PDHX: variants seen among roughly 807,000 people sequenced by gnomAD.
The protein encoded by PDHX is pyruvate dehydrogenase protein X component, mitochondrial.
Under a neutral mutation model 55.3 loss-of-function variants are expected in PDHX, and 33 were observed. The observed-to-expected ratio is 0.60, with a 90% CI of 0.45 to 0.80. PDHX has a LOEUF of 0.80. Among genes scored for constraint, PDHX ranks in the 30% least tolerant of loss-of-function variants. The probability of loss-of-function intolerance (pLI) is 0.00; values close to 1 mark genes in which losing one functional copy is unlikely to be tolerated. For synonymous variants in PDHX, 226 were observed against 219.4 expected (o/e 1.03, Z -0.27); for missense variants, 622 against 619.9 (o/e 1.00, Z -0.04).
At chr11:34,979,227 G>A (rs1855450978) in intron 8 of PDHX, among the ~76,000 whole-genome samples, 1 of 152,180 alleles carries the variant, frequency 6.6e-6, no homozygotes. Context: ...ATAGCTTTGG[G>A]TTAAGGAATC....
chr11:34,949,896 T>C (rs1306587869), intron 3 of PDHX, among the ~76,000 whole-genome samples: 3 of 152,312 alleles, frequency 2.0e-5, no homozygotes, highest in African/African-American at 7.2e-5. Flanking sequence ...TCAAAACAAT[T>C]TTCAAAAGTA....
chr11:34,971,257 G>A (rs1004566173), intron 7 of PDHX, among the ~76,000 whole-genome samples: 1 of 152,042 alleles, frequency 6.6e-6, no homozygotes, highest in Admixed American at 6.5e-5. Context: ...AGCATGAACT[G>A]ATAGTTTTAT....
chr11:34,924,537 A>G (rs1853971785), intron 1 of PDHX, among the ~76,000 whole-genome samples: 1 of 152,166 alleles, frequency 6.6e-6, no homozygotes, highest in Non-Finnish European at 1.5e-5. Context: ...ATTTCTTTAC[A>G]AAAATCTATT....
chr11:34,984,428 C>A, intron 8 of PDHX, 142 bp from the exon 9 acceptor site: 1 of 674,738 alleles, frequency 1.5e-6, no homozygotes, highest in Non-Finnish European at 2.5e-6. Context: ...GAACTCCATA[C>A]CATTTTTTCA....
chr11:34,986,402 T>C (rs1484759701), intron 9 of PDHX, among the ~76,000 whole-genome samples: 1 of 152,084 alleles, frequency 6.6e-6, no homozygotes, highest in Non-Finnish European at 1.5e-5. Context: ...GTATGTTCCT[T>C]GTGTTTATCA....
Position 34,995,236 on chromosome 11 carries a change from T to G in PDHX, c.*64T>G. 6.4e-7 allele frequency: 1 copy of G among 1,558,740 alleles called. No homozygotes were observed. Among genetic ancestry groups the G allele is most frequent in the Non-Finnish European group, 8.8e-7 (1 of 1,131,916 alleles). On this transcript the variant is annotated 3_prime_UTR_variant, in exon 11 of 11. Transcript: ENST00000227868. ...TCAGTAGTTGTTACCAAGAAACATATGTTATAGGAAAACAACTTGGTATTT... is the reference window on the plus strand; with the variant it reads ...TCAGTAGTTGTTACCAAGAAACATAGGTTATAGGAAAACAACTTGGTATTT...
chr11:34,924,483 A>G (rs949265481), intron 1 of PDHX, among the ~76,000 whole-genome samples: 5 of 152,138 alleles, frequency 3.3e-5, no homozygotes, highest in African/African-American at 1.2e-4. Context: ...AGCCTCCCAA[A>G]GTGCTGGGAT....
chr11:34,932,967 A>G (rs1854214423), intron 2 of PDHX, among the ~76,000 whole-genome samples: 1 of 152,240 alleles, frequency 6.6e-6, no homozygotes, highest in African/African-American at 2.4e-5. Context: ...GGTACAGACA[A>G]GTGAGTATAG....
chr11:34,943,681 G>C (rs552575132), intron 2 of PDHX, among the ~76,000 whole-genome samples: 496 of 152,140 alleles, frequency 3.3e-3, no homozygotes, highest in African/African-American at 0.011. Flanking sequence ...CTAATCTCTC[G>C]TCACTTCTCT....
At chr11:34,916,132 A>G, upstream of PDHX, 1 of 1,492,034 alleles carries the variant, frequency 6.7e-7, no homozygotes, top group Non-Finnish European at 9.0e-7. Flanking sequence ...CCGCAGCTAA[A>G]CGCCCGGCCC....
At chr11:34,982,148 G>A (rs1855528740) in intron 8 of PDHX, among the ~76,000 whole-genome samples, 1 of 152,194 alleles carries the variant, frequency 6.6e-6, no homozygotes, top group Admixed American at 6.5e-5. Context: ...TAACATTTAA[G>A]TCTTTAATCC....
intron 9 of PDHX, among the ~76,000 whole-genome samples, chr11:34,991,396 A>T (rs966398971): frequency 2.0e-5 from 3 of 152,232 alleles, no homozygotes; most frequent in African/African-American, 7.2e-5. Flanking sequence ...AGGCAGGTGC[A>T]GTCTTTAGGA....
intron 3 of PDHX, among the ~76,000 whole-genome samples, chr11:34,950,448 A>C (rs1387722673): frequency 3.3e-5 from 5 of 150,574 alleles, no homozygotes; most frequent in African/African-American, 9.8e-5. Flanking sequence ...ATATGTATAC[A>C]TGTGCCATGC....
chr11:34,941,869 T>C (rs2986407), intron 2 of PDHX: 121,886 of 154,384 alleles, frequency 0.79, 48,298 homozygotes, highest in Middle Eastern at 0.81. Context: ...GGCCCCCGGG[T>C]GGGCCTCTGC....
chr11:34,931,533 TTTG>T (rs762204748), intron 2 of PDHX, 49 bp downstream of exon 2: 6 of 957,240 alleles, frequency 6.3e-6, no homozygotes, highest in Non-Finnish European at 9.4e-6. Context: ...ATTTGGTTAT[TTTG>T]TTTTGTTTTT....
intron 1 of PDHX, among the ~76,000 whole-genome samples, chr11:34,919,486 A>G (rs1335936604): frequency 6.6e-6 from 1 of 152,222 alleles, no homozygotes; most frequent in Non-Finnish European, 1.5e-5. Flanking sequence ...CAGCATTTTT[A>G]TGAGCTATGA....
chr11:34,941,245 G>A (rs1270555617), intron 2 of PDHX, among the ~76,000 whole-genome samples: 2 of 152,168 alleles, frequency 1.3e-5, no homozygotes, highest in Non-Finnish European at 2.9e-5. Context: ...TGTGTGTGAA[G>A]TGAAAAGGGA....
chr11:34,929,793 C>G (rs374078419), intron 1 of PDHX, among the ~76,000 whole-genome samples: 2 of 152,158 alleles, frequency 1.3e-5, no homozygotes, highest in African/African-American at 4.8e-5. Context: ...TTGGTTTGGG[C>G]TGTGTCATTT....
intron 9 of PDHX, among the ~76,000 whole-genome samples, chr11:34,988,835 C>G (rs1452144342): frequency 6.6e-6 from 1 of 152,210 alleles, no homozygotes; most frequent in Non-Finnish European, 1.5e-5. Flanking sequence ...GAGTACTGTA[C>G]AAGCTATTTT....
Sources: allele counts gnomAD v4.1 joint callset (sites outside exome capture counted in the v4.1 genomes callset), GRCh38; gene constraint gnomAD v4.1.1; transcripts MANE v1.5; gene names NCBI Gene and HGNC (gene_info 2026-07-23, HGNC 2026-07-21).